STK32B: variants seen among roughly 807,000 people sequenced by gnomAD.
STK32B encodes serine/threonine-protein kinase 32B.
STK32B carries 43 observed loss-of-function variants against 52.6 expected under a neutral mutation model. The observed-to-expected ratio is 0.82, with a 90% CI of 0.64 to 1.05. The LOEUF (loss-of-function observed/expected upper bound fraction) is 1.05. Ranked by LOEUF, STK32B falls within the 50% of genes least tolerant of loss-of-function variation. STK32B has a pLI of 0.00. For synonymous variants in STK32B, 238 were observed against 204.3 expected (o/e 1.17, Z -1.41); for missense variants, 621 against 534.6 (o/e 1.16, Z -1.59).
chr4:5,317,088 A>ATC (rs1560312798), intron 3 of STK32B, among the ~76,000 whole-genome samples: 1 of 34,090 alleles, frequency 2.9e-5, no homozygotes, highest in Admixed American at 5.5e-4. Context: ...TTATATATAT[A>ATC]ATATATATGA....
intron 4 of STK32B, among the ~76,000 whole-genome samples, chr4:5,354,701 C>T (rs1361735678): frequency 6.6e-6 from 1 of 152,188 alleles, no homozygotes; most frequent in Non-Finnish European, 1.5e-5. Flanking sequence ...TAAAATACTT[C>T]ATATTTCTCA....
intron 11 of STK32B, among the ~76,000 whole-genome samples, chr4:5,480,969 A>C (rs1028782787): frequency 1.3e-5 from 2 of 152,068 alleles, no homozygotes; most frequent in African/African-American, 2.4e-5. Context: ...CATTCCTTTA[A>C]TCCAGTCTAT....
intron 3 of STK32B, among the ~76,000 whole-genome samples, chr4:5,192,823 C>T (rs927743564): frequency 3.3e-5 from 5 of 152,286 alleles, no homozygotes; most frequent in Admixed American, 2.0e-4. Flanking sequence ...AGCCCAGGGC[C>T]GCCGCCTCCT....
chr4:5,471,012 G>A (rs958492275), intron 11 of STK32B, among the ~76,000 whole-genome samples: 1 of 152,162 alleles, frequency 6.6e-6, no homozygotes, highest in East Asian at 1.9e-4. Flanking sequence ...CTGCAGACCT[G>A]GCCATCAGCC....
intron 3 of STK32B, among the ~76,000 whole-genome samples, chr4:5,314,592 C>G (rs1350799055): frequency 6.6e-6 from 1 of 152,164 alleles, no homozygotes; most frequent in Non-Finnish European, 1.5e-5. Flanking sequence ...ATCACTTGAA[C>G]CCAGGAGGCG....
chr4:5,230,208 T>TTTTTTTTTTTTTTTTTTTTG (rs58022709), intron 3 of STK32B, among the ~76,000 whole-genome samples: 1 of 103,472 alleles, frequency 9.7e-6, no homozygotes, highest in Non-Finnish European at 2.0e-5. Context: ...TTTTTTTTTT[T>TTTTTTTTTTTTTTTTTTTTG]TAGTGGAGTC....
chr4:5,275,948 C>T (rs959149791), intron 3 of STK32B, among the ~76,000 whole-genome samples: 74 of 152,114 alleles, frequency 4.9e-4, no homozygotes, highest in Non-Finnish European at 2.2e-4. Context: ...CCCAAGTCAT[C>T]TCTTTTTGTC....
chr4:5,466,294 C>A (rs770734149), intron 9 of STK32B, among the ~76,000 whole-genome samples: 1 of 152,088 alleles, frequency 6.6e-6, no homozygotes, highest in Non-Finnish European at 1.5e-5. Context: ...GGAAGTTGGG[C>A]AGATTTTGAG....
intron 6 of STK32B, chr4:5,438,189 A>C (rs1186921640): frequency 1.1e-6 from 1 of 936,190 alleles, no homozygotes; most frequent in Non-Finnish European, 1.3e-6. Flanking sequence ...TTTTCTCTCA[A>C]GCCCTCAGGA....
At chr4:5,136,118 A>G (rs933361804) in intron 1 of STK32B, among the ~76,000 whole-genome samples, 8 of 152,188 alleles carry the variant, frequency 5.3e-5, no homozygotes, top group African/African-American at 1.7e-4. Context: ...AATTATGACT[A>G]TTGGGGATTA....
chr4:5,306,007 G>A (rs532192645), intron 3 of STK32B, among the ~76,000 whole-genome samples: 12 of 152,108 alleles, frequency 7.9e-5, no homozygotes, highest in East Asian at 7.7e-4. Flanking sequence ...ATGTATTTGC[G>A]TTGTTTTGAG....
intron 3 of STK32B, among the ~76,000 whole-genome samples, chr4:5,291,259 AG>A (rs1238168796): frequency 7.9e-5 from 12 of 152,134 alleles, no homozygotes; most frequent in Admixed American, 7.9e-4. Context: ...TAATTTCAAG[AG>A]TATCGCATTC....
At chr4:5,357,227 A>G (rs1271569809) in intron 4 of STK32B, among the ~76,000 whole-genome samples, 4 of 152,196 alleles carry the variant, frequency 2.6e-5, no homozygotes, top group Non-Finnish European at 5.9e-5. Context: ...TGGCAGGTTC[A>G]CATTCAGTCA....
chr4:5,157,402 T>G (rs1717945873), intron 2 of STK32B, among the ~76,000 whole-genome samples: 1 of 152,074 alleles, frequency 6.6e-6, no homozygotes, highest in South Asian at 2.1e-4. Flanking sequence ...GTATGATGAT[T>G]TCCATTGATG....
chr4:5,341,290 A>G (rs908140034), intron 4 of STK32B, among the ~76,000 whole-genome samples: 1 of 152,176 alleles, frequency 6.6e-6, no homozygotes, highest in Non-Finnish European at 1.5e-5. Context: ...TTTTAACTGG[A>G]ACGTGACTTG....
At chr4:5,227,479 G>C (rs986464024) in intron 3 of STK32B, among the ~76,000 whole-genome samples, 4 of 152,038 alleles carry the variant, frequency 2.6e-5, no homozygotes, top group African/African-American at 9.7e-5. Context: ...TTAAATAATT[G>C]AAAAGCTGTC....
At chr4:5,482,039 T>C (rs1471481728) in intron 11 of STK32B, among the ~76,000 whole-genome samples, 1 of 152,200 alleles carries the variant, frequency 6.6e-6, no homozygotes, top group African/African-American at 2.4e-5. Flanking sequence ...GCTTTGTTCT[T>C]TTGGCCTAGG....
chr4:5,278,877 A>G (rs896935399), intron 3 of STK32B, among the ~76,000 whole-genome samples: 22 of 152,240 alleles, frequency 1.4e-4, no homozygotes, highest in African/African-American at 4.3e-4. Context: ...GAAGCACTAC[A>G]CACTTTTAAA....
chr4:5,342,082 G>A (rs1301393494), intron 4 of STK32B, among the ~76,000 whole-genome samples: 3 of 151,670 alleles, frequency 2.0e-5, no homozygotes, highest in Non-Finnish European at 2.9e-5. Flanking sequence ...ATATAGGAAC[G>A]GTTCTACACT....
Sources: gnomAD v4.1 joint callset for allele counts (sites outside exome capture counted in the v4.1 genomes callset) on GRCh38, gnomAD v4.1.1 for gene constraint, MANE v1.5 for transcripts, NCBI Gene and HGNC (gene_info 2026-07-23, HGNC 2026-07-21) for gene names.